The following PTPRT variants were observed in gnomAD, a reference collection of about 807,000 sequenced individuals.
PTPRT encodes the protein protein tyrosine phosphatase receptor type T.
A neutral mutation model predicts 176.8 loss-of-function variants in PTPRT; 56 were observed. The observed-to-expected ratio is 0.32, with a 90% CI of 0.26 to 0.40. The LOEUF is 0.40. Among genes scored for constraint, PTPRT ranks in the 10% least tolerant of loss-of-function variants. The probability of loss-of-function intolerance (pLI) is 1.00; values close to 1 mark genes in which losing one functional copy is unlikely to be tolerated. For synonymous variants in PTPRT, 783 were observed against 739.0 expected, an observed-to-expected ratio of 1.06 and a Z score of -0.96; for missense variants, 1,540 against 1,908.2, an observed-to-expected ratio of 0.81 and a Z score of 3.60.
chr20:42,630,649 T>C (rs2074386020), intron 7 of PTPRT, among the ~76,000 whole-genome samples: 1 of 152,186 alleles, frequency 6.6e-6, no homozygotes, highest in Admixed American at 6.5e-5. Flanking sequence ...ATTCATCCAA[T>C]GCATTTAATT....
At chr20:42,500,329 C>T (rs949322804) in intron 7 of PTPRT, among the ~76,000 whole-genome samples, 10 of 151,974 alleles carry the variant, frequency 6.6e-5, no homozygotes, top group Non-Finnish European at 1.2e-4. Flanking sequence ...ACTCACTACC[C>T]CCATCAGCAA....
chr20:42,204,408 AT>A (rs1443439736), intron 15 of PTPRT, among the ~76,000 whole-genome samples: 1 of 152,062 alleles, frequency 6.6e-6, no homozygotes, highest in African/African-American at 2.4e-5. Context: ...TGAACTGAGG[AT>A]TTTTTTCTGT....
At chr20:42,323,824 A>G (rs868157807) in intron 11 of PTPRT, among the ~76,000 whole-genome samples, 1 of 152,150 alleles carries the variant, frequency 6.6e-6, no homozygotes, top group African/African-American at 2.4e-5. Flanking sequence ...ATGAGAAACT[A>G]TCACACACAC....
chr20:43,021,810 GA>G (rs3092422), intron 1 of PTPRT, among the ~76,000 whole-genome samples: 8,031 of 142,738 alleles, frequency 0.056, 672 homozygotes, highest in African/African-American at 0.19. Context: ...GGAGATACAG[GA>G]AAAAAAAAAA....
chr20:42,719,765 C>T (rs1569109364), intron 6 of PTPRT, among the ~76,000 whole-genome samples: 1 of 152,046 alleles, frequency 6.6e-6, no homozygotes, highest in Non-Finnish European at 1.5e-5. Context: ...GTTTAGAGAC[C>T]AAACAGAAGA....
intron 11 of PTPRT, among the ~76,000 whole-genome samples, chr20:42,325,996 C>T (rs1351949408): frequency 6.6e-6 from 1 of 152,194 alleles, no homozygotes; most frequent in Non-Finnish European, 1.5e-5. Context: ...TTTTTCACCT[C>T]TGCCAGGGAA....
At chr20:42,214,696 C>T (rs541776187) in intron 15 of PTPRT, among the ~76,000 whole-genome samples, 11 of 152,332 alleles carry the variant, frequency 7.2e-5, no homozygotes, top group Non-Finnish European at 1.2e-4. Flanking sequence ...ACACTCTTTC[C>T]ACTTAGGCAA....
intron 7 of PTPRT, among the ~76,000 whole-genome samples, chr20:42,525,432 T>C (rs112419401): frequency 3.3e-4 from 50 of 152,334 alleles, no homozygotes; most frequent in African/African-American, 1.2e-3. Context: ...AGGTTCTTTT[T>C]ATTGAGAAAT....
chr20:42,783,572 G>T (rs531002825), intron 3 of PTPRT, among the ~76,000 whole-genome samples: 1 of 152,112 alleles, frequency 6.6e-6, no homozygotes. Context: ...TGCTTCTGAC[G>T]TGAGACTCCT....
At chr20:43,117,965 G>A (rs2013119747) in intron 1 of PTPRT, among the ~76,000 whole-genome samples, 1 of 152,040 alleles carries the variant, frequency 6.6e-6, no homozygotes, top group Non-Finnish European at 1.5e-5. Context: ...ACACAGCTTG[G>A]GTCTATCCTC....
intron 1 of PTPRT, among the ~76,000 whole-genome samples, chr20:43,188,716 A>G (rs900068767): frequency 8.1e-6 from 1 of 122,882 alleles, no homozygotes; most frequent in African/African-American, 3.0e-5. Flanking sequence ...GTACACCTGC[A>G]GCACTCCCTT....
chr20:42,417,106 C>T (rs1375740002), intron 9 of PTPRT, among the ~76,000 whole-genome samples: 1 of 152,082 alleles, frequency 6.6e-6, no homozygotes, highest in Non-Finnish European at 1.5e-5. Context: ...AGTAAAGGGC[C>T]CTGTACAGAA....
At chr20:42,943,134 C>CA (rs1276658791) in intron 1 of PTPRT, among the ~76,000 whole-genome samples, 3 of 152,202 alleles carry the variant, frequency 2.0e-5, no homozygotes, top group Non-Finnish European at 4.4e-5. Flanking sequence ...CAGGGGTTCA[C>CA]ACCTCAGCTA....
intron 9 of PTPRT, among the ~76,000 whole-genome samples, chr20:42,386,477 C>CT (rs1287128290): frequency 6.6e-6 from 1 of 152,146 alleles, no homozygotes; most frequent in African/African-American, 2.4e-5. Flanking sequence ...GGAACAGCCA[C>CT]TGGGGATACC....
At chr20:42,266,182 G>A (rs1032110922) in intron 13 of PTPRT, among the ~76,000 whole-genome samples, 19 of 152,302 alleles carry the variant, frequency 1.2e-4, no homozygotes, top group African/African-American at 4.3e-4. Context: ...TCAGAAAGGC[G>A]AAAGGCTGAG....
chr20:43,107,277 G>C (rs1486128966), intron 1 of PTPRT, among the ~76,000 whole-genome samples: 2 of 152,198 alleles, frequency 1.3e-5, no homozygotes, highest in Non-Finnish European at 2.9e-5. Flanking sequence ...CAGACAGCTA[G>C]TCGGCTGAGG....
chr20:42,459,998 A>C (rs528018901), intron 8 of PTPRT, among the ~76,000 whole-genome samples: 1 of 152,348 alleles, frequency 6.6e-6, no homozygotes, highest in South Asian at 2.1e-4. Context: ...GGCTCGAGAC[A>C]CTAATAAAAC....
intron 1 of PTPRT, among the ~76,000 whole-genome samples, chr20:43,045,123 C>T (rs74746753): frequency 0.02 from 3,091 of 152,278 alleles, 42 homozygotes; most frequent in Non-Finnish European, 0.029. Flanking sequence ...GAGTTTTACA[C>T]CCAAACAAAT....
intron 1 of PTPRT, among the ~76,000 whole-genome samples, chr20:43,004,216 G>A (rs2294589): frequency 0.38 from 55,990 of 149,226 alleles, 12,329 homozygotes; most frequent in African/African-American, 0.62. Context: ...GCTTCAAAGA[G>A]GGGATTATTA....
Sources: gnomAD v4.1 joint callset for allele counts (sites outside exome capture counted in the v4.1 genomes callset) on GRCh38, gnomAD v4.1.1 for gene constraint, MANE v1.5 for transcripts, NCBI Gene and HGNC (gene_info 2026-07-23, HGNC 2026-07-21) for gene names.